Variants in AK5 observed in about 807,000 individuals in gnomAD.
The protein encoded by AK5 is adenylate kinase isoenzyme 5.
AK5 carries 27 observed loss-of-function variants against 69.5 expected under a neutral mutation model. The observed-to-expected ratio is 0.39, with a 90% CI of 0.29 to 0.54. AK5 has a LOEUF of 0.54. AK5 is among the 20% of genes least tolerant of loss of function. The pLI, the probability that AK5 is intolerant of heterozygous loss-of-function variation, is 0.71. For synonymous variants in AK5, 260 were observed against 244.4 expected (o/e 1.06, Z -0.60); for missense variants, 531 against 700.4 (o/e 0.76, Z 2.73).
At chr1:77,288,270 T>C (rs1658477301) in intron 2 of AK5, among the ~76,000 whole-genome samples, 1 of 152,206 alleles carries the variant, frequency 6.6e-6, no homozygotes, top group South Asian at 2.1e-4. Context: ...CCTTTCAGGC[T>C]CTAGATGAAT....
At position 77,334,815 on chromosome 1, in the gene AK5, G is replaced by A. The variant is rs1212181427; in HGVS notation, c.700-5562G>A. On this transcript the variant is annotated intron_variant, in intron 5 of 13. Coordinates refer to ENST00000354567, the MANE Select transcript of AK5 (RefSeq NM_174858.3). ...TTTTGGAGTCCAACAAAAGCCTGGG[G>A]GTGGGGTTTGGTGTGGTTACTTTCT... Among the ~76,000 whole-genome samples, 4 of 152,130 alleles carry A rather than the reference G, an allele frequency of 2.6e-5. No homozygotes were observed. In the East Asian group the frequency reaches 7.7e-4, roughly 29 times the overall value.
intron 8 of AK5, among the ~76,000 whole-genome samples, chr1:77,460,327 TA>T (rs1653755340): frequency 6.6e-6 from 1 of 152,148 alleles, no homozygotes; most frequent in African/African-American, 2.4e-5. Context: ...TCACAGGAAA[TA>T]TACAAAGCAA....
At chr1:77,348,567 A>C (rs1171240462) in intron 6 of AK5, among the ~76,000 whole-genome samples, 2 of 152,208 alleles carry the variant, frequency 1.3e-5, no homozygotes, top group Non-Finnish European at 2.9e-5. Flanking sequence ...CAAATACTCT[A>C]GTTAAGGTCT....
chr1:77,301,362 G>A (rs1029561246), intron 5 of AK5, among the ~76,000 whole-genome samples: 12 of 152,324 alleles, frequency 7.9e-5, no homozygotes, highest in Admixed American at 1.3e-4. Context: ...GACATCCATC[G>A]CTTCTGCTCA....
chr1:77,464,360 G>C (rs1382438070), intron 8 of AK5, among the ~76,000 whole-genome samples: 6 of 152,168 alleles, frequency 3.9e-5, no homozygotes, highest in African/African-American at 1.4e-4. Context: ...TGCGCAGGCC[G>C]GTTGGAGTTT....
intron 10 of AK5, among the ~76,000 whole-genome samples, chr1:77,499,065 A>G (rs892927864): frequency 1.3e-5 from 2 of 152,182 alleles, no homozygotes; most frequent in Non-Finnish European, 2.9e-5. Context: ...GTAGGAGACC[A>G]TTTTACCATA....
chr1:77,451,828 C>T (rs920645504), intron 8 of AK5, among the ~76,000 whole-genome samples: 5 of 152,216 alleles, frequency 3.3e-5, no homozygotes, highest in African/African-American at 4.8e-5. Context: ...TCTCTCCTGA[C>T]AAGACCCTCC....
intron 8 of AK5, among the ~76,000 whole-genome samples, chr1:77,447,467 C>T (rs1395295130): frequency 6.6e-6 from 1 of 152,160 alleles, no homozygotes; most frequent in Non-Finnish European, 1.5e-5. Context: ...GAAATGAAAA[C>T]TCATAGAATT....
intron 6 of AK5, among the ~76,000 whole-genome samples, chr1:77,358,680 A>ATTCCTTCTATCCT (rs1553138182): frequency 1.3e-5 from 2 of 152,162 alleles, no homozygotes; most frequent in African/African-American, 2.4e-5. Context: ...CCAATACTGA[A>ATTCCTTCTATCCT]TTCCTTCTAT....
intron 8 of AK5, among the ~76,000 whole-genome samples, chr1:77,433,616 G>C (rs926985856): frequency 2.0e-5 from 3 of 152,064 alleles, no homozygotes; most frequent in Non-Finnish European, 4.4e-5. Flanking sequence ...CATTTTGGAG[G>C]GATCAGGTAG....
chr1:77,532,645 C>G (rs528329709), intron 12 of AK5, among the ~76,000 whole-genome samples: 47 of 152,332 alleles, frequency 3.1e-4, no homozygotes, highest in African/African-American at 1.0e-3. Flanking sequence ...TTGTAAAGCC[C>G]TTAGCACAGT....
At chr1:77,286,864 A>T (rs77711026) in intron 1 of AK5, 77 bp from the exon 2 acceptor site, 42,602 of 776,238 alleles carry the variant, frequency 0.055, 1,123 homozygotes, top group South Asian at 0.13. Flanking sequence ...TTAATTAATT[A>T]AATTAAATTA....
chr1:77,524,295 C>T (rs1052299741), intron 12 of AK5, among the ~76,000 whole-genome samples: 3 of 152,136 alleles, frequency 2.0e-5, no homozygotes, highest in African/African-American at 4.8e-5. Context: ...TGGGTATATA[C>T]CCACAAGTGG....
At chr1:77,422,408 C>A (rs2100592192) in intron 8 of AK5, among the ~76,000 whole-genome samples, 1 of 152,310 alleles carries the variant, frequency 6.6e-6, no homozygotes, top group African/African-American at 2.4e-5. Flanking sequence ...TTAGAAGATT[C>A]ATAGAAACTT....
intron 9 of AK5, among the ~76,000 whole-genome samples, chr1:77,484,567 C>T (rs1570237551): frequency 6.6e-6 from 1 of 152,180 alleles, no homozygotes; most frequent in Non-Finnish European, 1.5e-5. Flanking sequence ...ACTTAGCTGT[C>T]ACTTAGCTAA....
At chr1:77,425,660 A>G (rs570926319) in intron 8 of AK5, among the ~76,000 whole-genome samples, 120 of 152,324 alleles carry the variant, frequency 7.9e-4, no homozygotes, top group African/African-American at 2.8e-3. Context: ...AGAGCATGAG[A>G]GAATGAATAA....
intron 2 of AK5, among the ~76,000 whole-genome samples, chr1:77,289,370 G>A (rs1013749246): frequency 2.6e-5 from 4 of 151,964 alleles, no homozygotes; most frequent in Admixed American, 1.3e-4. Flanking sequence ...CCCAGCATAT[G>A]GGAAGCTTAC....
At chr1:77,390,537 CA>C (rs996020501) in intron 6 of AK5, among the ~76,000 whole-genome samples, 1 of 151,976 alleles carries the variant, frequency 6.6e-6, no homozygotes, top group African/African-American at 2.4e-5. Flanking sequence ...TACTCTTACA[CA>C]AAAGGACAAG....
At chr1:77,480,505 A>C (rs993616906) in intron 8 of AK5, among the ~76,000 whole-genome samples, 9 of 152,174 alleles carry the variant, frequency 5.9e-5, no homozygotes, top group Admixed American at 1.3e-4. Context: ...AATTCACATT[A>C]ACCACGATCA....
Sources: gnomAD v4.1 joint callset for allele counts (sites outside exome capture counted in the v4.1 genomes callset) on GRCh38, gnomAD v4.1.1 for gene constraint, MANE v1.5 for transcripts, NCBI Gene and HGNC (gene_info 2026-07-23, HGNC 2026-07-21) for gene names.